The following FRMD4B variants were observed in gnomAD, a reference collection of about 807,000 sequenced individuals.
FRMD4B encodes FERM domain containing 4B, also known as FERM domain-containing protein 4B.
Under a neutral mutation model 141.5 loss-of-function variants are expected in FRMD4B, and 74 were observed. The ratio of observed to expected loss-of-function variants is 0.52; its 90% CI spans 0.43 to 0.63. FRMD4B has a LOEUF of 0.63. Among genes scored for constraint, FRMD4B ranks in the 30% least tolerant of loss-of-function variants. FRMD4B has a pLI of 0.00. For synonymous variants in FRMD4B, 506 were observed against 467.9 expected (o/e 1.08, Z -1.05); for missense variants, 1,366 against 1,253.4 (o/e 1.09, Z -1.36).
intron 7 of FRMD4B, among the ~76,000 whole-genome samples, chr3:69,232,115 C>A (rs552747278): frequency 1.1e-4 from 16 of 152,150 alleles, no homozygotes; most frequent in Non-Finnish European, 1.5e-4. Flanking sequence ...AAGCCTCAAT[C>A]GGGATGTCTC....
chr3:69,254,315 G>A (rs2093479936), intron 5 of FRMD4B, among the ~76,000 whole-genome samples: 2 of 151,876 alleles, frequency 1.3e-5, no homozygotes, highest in South Asian at 4.2e-4. Context: ...CACCATGTTG[G>A]CCAGGCTGGT....
At position 69,500,346 on chromosome 3, in the gene FRMD4B, C is replaced by A. The variant is rs551655829; in HGVS notation, c.-129+41860G>T. Among the ~76,000 whole-genome samples, 4 of 152,282 alleles carry A rather than the reference C, an allele frequency of 2.6e-5. No homozygotes were observed. The East Asian group carries it at 7.7e-4, about 29-fold the overall frequency. ...AATGATAATTTCCTGGTTGAAGATG[C>A]GCGGAGGATCCCTAGGATATATATT... On this transcript the variant is annotated intron_variant, in intron 1 of 5. Transcript: ENST00000459638.
chr3:69,316,961 A>C (rs1339547937), intron 1 of FRMD4B, among the ~76,000 whole-genome samples: 1 of 152,112 alleles, frequency 6.6e-6, no homozygotes, highest in Non-Finnish European at 1.5e-5. Context: ...GTCTCTACTA[A>C]AAGTACAAAA....
chr3:69,429,822 T>G (rs909204268), intron 2 of FRMD4B, among the ~76,000 whole-genome samples: 1 of 148,380 alleles, frequency 6.7e-6, no homozygotes, highest in Non-Finnish European at 1.5e-5. Context: ...TGCAGTGGCA[T>G]GATCTCTGCT....
At chr3:69,402,908 A>C (rs1028883642) in intron 2 of FRMD4B, among the ~76,000 whole-genome samples, 3 of 152,242 alleles carry the variant, frequency 2.0e-5, no homozygotes, top group Non-Finnish European at 4.4e-5. Flanking sequence ...AAGACTCCAG[A>C]AGATTATTTT....
Position 69,212,359 on chromosome 3 carries a change from C to CAAA in FRMD4B, c.876+3901_876+3903dup, listed in dbSNP as rs869309749. Among the ~76,000 whole-genome samples, 66 of 25,328 alleles carry CAAA rather than the reference C, an allele frequency of 2.6e-3. 6 individuals are homozygous for CAAA. Among genetic ancestry groups the CAAA allele is most frequent in the Admixed American group, 3.4e-3 (4 of 1,168 alleles). 16.6% of individuals were successfully genotyped at this position (25,328 alleles called of 152,430 possible). On this transcript the variant is annotated intron_variant, in intron 11 of 22. Coordinates refer to ENST00000398540, the MANE Select transcript of FRMD4B (RefSeq NM_015123.3). ...TGGGCAACAGAGCGAAACCCCGTCTCAAAAAAAAAAAAAAAAAAAAAGAAA... is the reference window on the plus strand; with the variant it reads ...TGGGCAACAGAGCGAAACCCCGTCTCAAAAAAAAAAAAAAAAAAAAAAAAGAAA...
intron 1 of FRMD4B, among the ~76,000 whole-genome samples, chr3:69,465,227 G>A (rs994099629): frequency 3.9e-5 from 6 of 151,964 alleles, no homozygotes; most frequent in African/African-American, 1.4e-4. Context: ...GGCTGAGGCA[G>A]GAGAATGGCA....
intron 1 of FRMD4B, among the ~76,000 whole-genome samples, chr3:69,519,012 T>C (rs1700810406): frequency 6.6e-6 from 1 of 152,164 alleles, no homozygotes; most frequent in African/African-American, 2.4e-5. Context: ...TGAGAAGGTG[T>C]GGGCATGGCA....
intron 4 of FRMD4B, among the ~76,000 whole-genome samples, chr3:69,299,899 G>T (rs1437461082): frequency 6.6e-6 from 1 of 152,154 alleles, no homozygotes; most frequent in African/African-American, 2.4e-5. Flanking sequence ...GACACAAGAG[G>T]TGAGGTACCC....
At chr3:69,484,258 G>C (rs1706177739) in intron 1 of FRMD4B, among the ~76,000 whole-genome samples, 1 of 152,218 alleles carries the variant, frequency 6.6e-6, no homozygotes, top group South Asian at 2.1e-4. Context: ...GCCTCTGTAA[G>C]ATTGACTGCC....
At chr3:69,338,986 T>C (rs911348320) in intron 1 of FRMD4B, among the ~76,000 whole-genome samples, 2 of 152,116 alleles carry the variant, frequency 1.3e-5, no homozygotes, top group Middle Eastern at 3.2e-3. Flanking sequence ...AGAATCCTCA[T>C]GGGTTAATAT....
chr3:69,451,425 T>C (rs1705496912), intron 1 of FRMD4B, among the ~76,000 whole-genome samples: 1 of 152,194 alleles, frequency 6.6e-6, no homozygotes, highest in South Asian at 2.1e-4. Context: ...GAAGAATATA[T>C]TGTGATTGAT....
chr3:69,520,667 C>T (rs932223124), intron 1 of FRMD4B, among the ~76,000 whole-genome samples: 1 of 151,806 alleles, frequency 6.6e-6, no homozygotes, highest in African/African-American at 2.4e-5. Flanking sequence ...TTTTTTTCTT[C>T]CTGGTGGGTA....
intron 2 of FRMD4B, among the ~76,000 whole-genome samples, chr3:69,421,100 A>T (rs1704970262): frequency 6.6e-6 from 1 of 152,192 alleles, no homozygotes; most frequent in Non-Finnish European, 1.5e-5. Flanking sequence ...CATGGCCTGG[A>T]AATAAGTGAG....
chr3:69,517,247 C>A (rs1184804636), intron 1 of FRMD4B, among the ~76,000 whole-genome samples: 1 of 152,120 alleles, frequency 6.6e-6, no homozygotes, highest in Non-Finnish European at 1.5e-5. Flanking sequence ...TCTGTAAATG[C>A]ATATTTCTTG....
intron 5 of FRMD4B, among the ~76,000 whole-genome samples, chr3:69,281,305 T>G (rs2093643460): frequency 6.6e-6 from 1 of 152,206 alleles, no homozygotes; most frequent in African/African-American, 2.4e-5. Context: ...TTGACTATAG[T>G]ATTGTTAAGT....
intron 1 of FRMD4B, among the ~76,000 whole-genome samples, chr3:69,350,715 A>G (rs890629616): frequency 6.6e-6 from 1 of 152,004 alleles, no homozygotes; most frequent in South Asian, 2.1e-4. Flanking sequence ...TCAGCAAACT[A>G]TCGCAAGGAC....
At chr3:69,461,978 G>A (rs9818005) in intron 1 of FRMD4B, among the ~76,000 whole-genome samples, 50,141 of 151,992 alleles carry the variant, frequency 0.33, 8,452 homozygotes, top group African/African-American at 0.36. Context: ...CTGCTCTGGG[G>A]GCCTTCTCTA....
chr3:69,228,933 G>T (rs371962008), intron 7 of FRMD4B, among the ~76,000 whole-genome samples: 2 of 150,610 alleles, frequency 1.3e-5, no homozygotes, highest in Non-Finnish European at 2.9e-5. Context: ...ATTGTCAATA[G>T]TGATTGATTA....
Sources: allele counts gnomAD v4.1 joint callset (sites outside exome capture counted in the v4.1 genomes callset), GRCh38; gene constraint gnomAD v4.1.1; transcripts MANE v1.5; gene names NCBI Gene and HGNC (gene_info 2026-07-23, HGNC 2026-07-21).